Variants in ZBTB38 observed in about 807,000 individuals in gnomAD.
ZBTB38 encodes zinc finger and BTB domain-containing protein 38.
A neutral mutation model predicts 76.8 loss-of-function variants in ZBTB38; 20 were observed. That is an observed-to-expected ratio of 0.26 (90% CI 0.18 to 0.38). The LOEUF (loss-of-function observed/expected upper bound fraction) is 0.38. Ranked by LOEUF, ZBTB38 falls within the 10% of genes least tolerant of loss-of-function variation. The pLI, the probability that ZBTB38 is intolerant of heterozygous loss-of-function variation, is 1.00. For missense variants in ZBTB38, 1,082 were observed against 1,482.3 expected (o/e 0.73, Z 4.43); for synonymous variants, 504 against 544.2 (o/e 0.93, Z 1.03).
Position 141,331,357 on chromosome 3 carries a change from T to A in ZBTB38, c.-739+6901T>A, listed in dbSNP as rs74488401. On this transcript the variant is annotated intron_variant, in intron 1 of 7. Transcript: ENST00000509842. ...TACTGGACAAATTCAGGCTACTGAT[T>A]ATGTAGGAGAGAGAGACAGAGACAG... Among the ~76,000 whole-genome samples the A allele has an allele frequency of 4.7e-3, 709 of 152,226 alleles. 12 individuals are homozygous for A. Among genetic ancestry groups the A allele is most frequent in the African/African-American group, 0.016 (677 of 41,516 alleles).
intron 5 of ZBTB38, among the ~76,000 whole-genome samples, chr3:141,422,492 C>T (rs1185446170): frequency 1.1e-4 from 17 of 152,206 alleles, no homozygotes; most frequent in African/African-American, 4.1e-4. Flanking sequence ...CCTTCTTAGC[C>T]TAGTCTCCTA....
intron 2 of ZBTB38, among the ~76,000 whole-genome samples, chr3:141,374,668 A>T (rs1450345700): frequency 6.6e-6 from 1 of 152,216 alleles, no homozygotes; most frequent in Non-Finnish European, 1.5e-5. Context: ...ATGGTATTTT[A>T]TGTGGTGTTT....
chr3:141,427,147 G>A (rs1428758595), intron 5 of ZBTB38, among the ~76,000 whole-genome samples: 1 of 152,022 alleles, frequency 6.6e-6, no homozygotes, highest in Admixed American at 6.5e-5. Flanking sequence ...AGTTTTGGGT[G>A]CTTTCTGTTT....
intron 1 of ZBTB38, among the ~76,000 whole-genome samples, chr3:141,327,387 T>C (rs1206588948): frequency 2.0e-5 from 3 of 152,322 alleles, no homozygotes; most frequent in Non-Finnish European, 4.4e-5. Flanking sequence ...TGATATGATG[T>C]GACAGGAACA....
At chr3:141,324,573 T>A (rs747081576) in intron 1 of ZBTB38, 1 of 152,220 alleles carries the variant, frequency 6.6e-6, no homozygotes, top group Admixed American at 6.5e-5. Flanking sequence ...GGAAAGATTT[T>A]AAATCAATAG....
At chr3:141,387,826 G>A (rs1947560314) in intron 4 of ZBTB38, 1 of 152,166 alleles carries the variant, frequency 6.6e-6, no homozygotes, top group Non-Finnish European at 1.5e-5. Flanking sequence ...GGTCTCCATC[G>A]CTTTACATAA....
intron 4 of ZBTB38, among the ~76,000 whole-genome samples, chr3:141,390,494 TA>T (rs1219908560): frequency 1.3e-5 from 2 of 152,210 alleles, no homozygotes; most frequent in Non-Finnish European, 2.9e-5. Context: ...ACTAGAGTGG[TA>T]TTGATCTACC....
In ZBTB38 at chr3:141,443,270, A is replaced by G. The variant is rs1221809764; in HGVS notation, c.882A>G (p.Gln294=). 5 of 1,614,242 alleles carry G rather than the reference A, an allele frequency of 3.1e-6. No individual in the cohort carries two copies. Among genetic ancestry groups the G allele is most frequent in the South Asian group, 2.2e-5 (2 of 91,088 alleles). The change falls in exon 6 of 6, where the codon CAA becomes CAG. Residue 294 remains glutamine, a synonymous_variant. Transcript: ENST00000321464. This position sits in a 1 kb window ranked among gnomAD's most constrained non-coding sequence, Gnocchi z 5.6. ...CAGTATCCAACTTAGAGGTTAATCA[A>G]GAAAGAAGTCCACAACCAGCTGCTG... The part of the protein sequence containing the change: ...PPPVSNLEVN[Q]ERSPQPAAVL...
chr3:141,390,898 T>C (rs1336140850), intron 4 of ZBTB38, among the ~76,000 whole-genome samples: 2 of 152,202 alleles, frequency 1.3e-5, no homozygotes, highest in Non-Finnish European at 2.9e-5. Flanking sequence ...CTCATGCCTG[T>C]AACCCCAACA....
chr3:141,382,623 T>C (rs975996516), intron 3 of ZBTB38, among the ~76,000 whole-genome samples: 1 of 152,258 alleles, frequency 6.6e-6, no homozygotes, highest in Non-Finnish European at 1.5e-5. Context: ...TTTTGAATTA[T>C]GGCAAATCTC....
chr3:141,433,283 TTTAA>T (rs930613983), intron 5 of ZBTB38, among the ~76,000 whole-genome samples: 4 of 151,960 alleles, frequency 2.6e-5, no homozygotes, highest in South Asian at 4.1e-4. Context: ...AGAAAAATTA[TTTAA>T]TTAAGATTTT....
At chr3:141,349,433 A>G (rs1410105981) in intron 1 of ZBTB38, among the ~76,000 whole-genome samples, 3 of 152,214 alleles carry the variant, frequency 2.0e-5, no homozygotes, top group Non-Finnish European at 4.4e-5. Context: ...TTAAATCACC[A>G]CTAGTAAGCT....
intron 4 of ZBTB38, chr3:141,394,418 A>G (rs1285593445): frequency 1.3e-5 from 2 of 152,036 alleles, no homozygotes; most frequent in South Asian, 2.1e-4. Context: ...CCTCCTCCCC[A>G]TCACTGTACT....
intron 1 of ZBTB38, among the ~76,000 whole-genome samples, chr3:141,357,712 C>G (rs113025660): frequency 6.6e-6 from 1 of 152,020 alleles, no homozygotes; most frequent in South Asian, 2.1e-4. Context: ...GTCTTGAACT[C>G]CTGAGCTCAG....
chr3:141,382,248 G>A (rs1003448432), intron 3 of ZBTB38, among the ~76,000 whole-genome samples: 2 of 152,110 alleles, frequency 1.3e-5, no homozygotes, highest in Non-Finnish European at 2.9e-5. Context: ...AAACAAAAGA[G>A]AACAGGCTAC....
chr3:141,448,970 CA>C lies in ZBTB38; in HGVS notation c.*2995del, dbSNP rs1243246845. The C allele has an allele frequency of 6.6e-6, 1 of 152,190 alleles. No individual in the cohort carries two copies. Among genetic ancestry groups the C allele is most frequent in the Non-Finnish European group, 1.5e-5 (1 of 68,036 alleles). The allele number at this position is 152,190 out of a possible 1,614,324, so 9.4% of individuals were successfully genotyped here. ...ATAAATCAGAGAATGAAATGCTCTC[CA>C]GGAAGCATTCTGCTCCACTCATCCG... On this transcript the variant is annotated 3_prime_UTR_variant, in exon 6 of 6. Coordinates refer to ENST00000321464, the MANE Select transcript of ZBTB38 (RefSeq NM_001376113.1).
chr3:141,352,864 CACAG>C (rs1472557757), intron 1 of ZBTB38, among the ~76,000 whole-genome samples: 2 of 152,104 alleles, frequency 1.3e-5, no homozygotes, highest in Admixed American at 6.5e-5. Flanking sequence ...ATCAAGCATG[CACAG>C]ACAAAGGAAA....
rs1005861487 is a variant in ZBTB38, at chr3:141,413,892, A to C, written c.-1+9861A>C. Among the ~76,000 whole-genome samples, 5 of 152,228 alleles carry C rather than the reference A, an allele frequency of 3.3e-5. No individual in the cohort carries two copies. In the East Asian group the frequency reaches 9.6e-4, roughly 29 times the overall value. On this transcript the variant is annotated intron_variant, in intron 5 of 5. Coordinates refer to ENST00000321464, the MANE Select transcript of ZBTB38 (RefSeq NM_001376113.1). The surrounding 1 kb of genome is among the most constrained non-coding windows in gnomAD (Gnocchi z 4.1). ...AGAAATTTTCCCCATAGGAATGGACAAACTAAAGGGATCCTTAAGAAATAG... is the reference window on the plus strand; with the variant it reads ...AGAAATTTTCCCCATAGGAATGGACCAACTAAAGGGATCCTTAAGAAATAG...
chr3:141,430,932 C>T (rs1418684767), intron 5 of ZBTB38, among the ~76,000 whole-genome samples: 2 of 152,104 alleles, frequency 1.3e-5, no homozygotes, highest in African/African-American at 2.4e-5. Flanking sequence ...ATAAGCTCAC[C>T]CCTAAAATGA....
Sources: allele counts gnomAD v4.1 joint callset (sites outside exome capture counted in the v4.1 genomes callset), GRCh38; gene constraint gnomAD v4.1.1; non-coding constraint Gnocchi (gnomAD v3.1); transcripts MANE v1.5; gene names NCBI Gene and HGNC (gene_info 2026-07-23, HGNC 2026-07-21).